ESRRG: variants seen among roughly 807,000 people sequenced by gnomAD.
ESRRG encodes the protein estrogen-related receptor gamma.
Under a neutral mutation model 44.0 loss-of-function variants are expected in ESRRG, and 13 were observed. The ratio of observed to expected loss-of-function variants is 0.30; its 90% CI spans 0.19 to 0.47. ESRRG has a LOEUF of 0.47. Among genes scored for constraint, ESRRG ranks in the 20% least tolerant of loss-of-function variants. The pLI is 1.00. For missense variants in ESRRG, 395 were observed against 580.6 expected, an observed-to-expected ratio of 0.68 and a Z score of 3.29; for synonymous variants, 215 against 214.6, an observed-to-expected ratio of 1.00 and a Z score of -0.02.
chr1:216,689,545 T>C (rs2078673882), intron 1 of ESRRG, among the ~76,000 whole-genome samples: 1 of 152,166 alleles, frequency 6.6e-6, no homozygotes. Context: ...AGTATCTTAA[T>C]ACATTTTTTT....
chr1:216,842,132 C>A (rs1307587035), intron 2 of ESRRG, among the ~76,000 whole-genome samples: 1 of 152,088 alleles, frequency 6.6e-6, no homozygotes, highest in African/African-American at 2.4e-5. Context: ...CATCCAACAA[C>A]CAAAGATCAT....
In ESRRG at chr1:217,117,820, A is replaced by T. The variant is rs528034683; in HGVS notation, c.-230+19847T>A. 2.0e-5 allele frequency among the ~76,000 whole-genome samples: 3 copies of T among 152,200 alleles called. No homozygotes were observed. The East Asian group carries it at 5.8e-4, about 29-fold the overall frequency. ...CAGCTTCTCTGGAATATTTTTCGAT[A>T]CTGTCATTACTTTTAGAGCATATTT... On this transcript the variant is annotated intron_variant, in intron 1 of 8. Transcript: ENST00000366940.
intron 1 of ESRRG, among the ~76,000 whole-genome samples, chr1:216,988,066 TA>T (rs2075140119): frequency 6.6e-6 from 1 of 152,140 alleles, no homozygotes; most frequent in Non-Finnish European, 1.5e-5. Flanking sequence ...CCAGATAAAC[TA>T]TATGCCCCTG....
At chr1:216,873,883 GAA>G (rs2096298149) in intron 2 of ESRRG, among the ~76,000 whole-genome samples, 752 of 19,592 alleles carry the variant, frequency 0.038, 54 homozygotes, top group African/African-American at 0.16. Flanking sequence ...AGAAGGGAGG[GAA>G]GGGAAGGGAA....
At chr1:217,019,205 T>G (rs146622915) in intron 1 of ESRRG, among the ~76,000 whole-genome samples, 1 of 152,316 alleles carries the variant, frequency 6.6e-6, no homozygotes, top group Non-Finnish European at 1.5e-5. Context: ...TTTACCTTAG[T>G]CTATTCCTAA....
chr1:216,646,111 C>T (rs533565671), intron 3 of ESRRG, among the ~76,000 whole-genome samples: 4 of 152,066 alleles, frequency 2.6e-5, no homozygotes, highest in African/African-American at 7.2e-5. Context: ...TCCTTCACCT[C>T]GAATATTGTT....
chr1:216,672,042 GAA>G (rs2075289596), intron 2 of ESRRG, among the ~76,000 whole-genome samples: 1 of 70,344 alleles, frequency 1.4e-5, no homozygotes, highest in Non-Finnish European at 3.9e-5. Context: ...AGGAAGGAAA[GAA>G]AGAAGGAAGG....
chr1:216,517,164 A>G (rs1253310120), intron 6 of ESRRG, among the ~76,000 whole-genome samples: 2 of 152,174 alleles, frequency 1.3e-5, no homozygotes, highest in Non-Finnish European at 2.9e-5. Flanking sequence ...CTCAACTACC[A>G]TGATAAGAGA....
intron 5 of ESRRG, among the ~76,000 whole-genome samples, chr1:216,558,559 G>A (rs1462644507): frequency 6.6e-6 from 1 of 152,030 alleles, no homozygotes; most frequent in Non-Finnish European, 1.5e-5. Flanking sequence ...GCAGTACCTT[G>A]AAAATAAAAA....
chr1:217,045,418 T>G (rs1295771376), intron 1 of ESRRG, among the ~76,000 whole-genome samples: 1 of 152,182 alleles, frequency 6.6e-6, no homozygotes, highest in Non-Finnish European at 1.5e-5. Context: ...GACTCATATA[T>G]TCAAAGTGAA....
intron 1 of ESRRG, among the ~76,000 whole-genome samples, chr1:217,047,878 G>A (rs1204157378): frequency 6.6e-6 from 1 of 152,192 alleles, no homozygotes; most frequent in African/African-American, 2.4e-5. Flanking sequence ...GGCCAAGGGA[G>A]AGAGAATATG....
rs371858097 is a variant in ESRRG, at chr1:216,637,088, G to A, written c.589+13885C>T. 2.6e-5 allele frequency among the ~76,000 whole-genome samples: 4 copies of A among 152,234 alleles called. No individual in the cohort carries two copies. In the East Asian group the frequency reaches 7.7e-4, roughly 29 times the overall value. ...TTTGGACCAGTTATCTACAGAGCAT[G>A]AAAGTGATGCTACAAACGGAAAATG... On this transcript the variant is annotated intron_variant, in intron 3 of 6. Coordinates refer to ENST00000408911, the MANE Select transcript of ESRRG (RefSeq NM_001438.4).
chr1:216,711,111 A>G (rs1575614148), intron 1 of ESRRG, among the ~76,000 whole-genome samples: 2 of 151,894 alleles, frequency 1.3e-5, no homozygotes, highest in Admixed American at 1.3e-4. Flanking sequence ...CCTCCCTCCT[A>G]CCTATCGACC....
chr1:217,084,148 C>T (rs76687073), intron 1 of ESRRG, among the ~76,000 whole-genome samples: 14 of 125,696 alleles, frequency 1.1e-4, no homozygotes, highest in African/African-American at 3.6e-4. Context: ...AAAAAAAAAA[C>T]GAGAAACAGG....
At chr1:216,580,378 C>G (rs2062526744) in intron 3 of ESRRG, among the ~76,000 whole-genome samples, 3 of 151,986 alleles carry the variant, frequency 2.0e-5, no homozygotes, top group Admixed American at 2.0e-4. Flanking sequence ...AAGATAACAA[C>G]ATATCATGAA....
chr1:216,708,774 T>C (rs970749652), intron 1 of ESRRG, among the ~76,000 whole-genome samples: 13 of 152,214 alleles, frequency 8.5e-5, no homozygotes, highest in African/African-American at 3.1e-4. Context: ...CGTATGTTTA[T>C]TGCAGCCCTG....
chr1:216,581,303 T>G (rs2062708507), intron 3 of ESRRG, among the ~76,000 whole-genome samples: 1 of 152,218 alleles, frequency 6.6e-6, no homozygotes, highest in African/African-American at 2.4e-5. Flanking sequence ...AATCACATTA[T>G]GTATAGATAT....
chr1:217,089,746 C>A (rs1024279291), upstream of ESRRG: 1 of 152,076 alleles, frequency 6.6e-6, no homozygotes, highest in South Asian at 2.1e-4. Flanking sequence ...CGGGGCCGGC[C>A]TGGCACCCGG....
chr1:216,747,534 C>T (rs2091542486), intron 2 of ESRRG, among the ~76,000 whole-genome samples: 1 of 152,114 alleles, frequency 6.6e-6, no homozygotes, highest in Non-Finnish European at 1.5e-5. Context: ...CTCTGGATAT[C>T]CCAGACACAG....
Sources: allele counts gnomAD v4.1 joint callset (sites outside exome capture counted in the v4.1 genomes callset), GRCh38; gene constraint gnomAD v4.1.1; transcripts MANE v1.5; gene names NCBI Gene and HGNC (gene_info 2026-07-23, HGNC 2026-07-21).